Variants in VCL observed in about 807,000 individuals in gnomAD.
The protein encoded by VCL is epididymis luminal protein 114.
In VCL, 47 loss-of-function variants were observed where a neutral mutation model predicts 125.7. That is an observed-to-expected ratio of 0.37 (90% CI 0.30 to 0.48). The LOEUF (loss-of-function observed/expected upper bound fraction) is 0.48, where lower values mean the gene tolerates loss of function less well. Among genes scored for constraint, VCL ranks in the 20% least tolerant of loss-of-function variants. The pLI is 0.99. For synonymous variants in VCL, 458 were observed against 514.6 expected, an observed-to-expected ratio of 0.89 and a Z score of 1.49; for missense variants, 1,069 against 1,455.5, an observed-to-expected ratio of 0.73 and a Z score of 4.32.
At chr10:74,114,066 A>T in intron 19 of VCL, 118 bp from the exon 20 acceptor site, 1 of 1,192,588 alleles carries the variant, frequency 8.4e-7, no homozygotes, top group Non-Finnish European at 1.2e-6. Context: ...TCCTCTTCTC[A>T]CCCTTCCGGA....
At chr10:74,102,138 T>A (rs949329601) in intron 14 of VCL, among the ~76,000 whole-genome samples, 1 of 152,128 alleles carries the variant, frequency 6.6e-6, no homozygotes, top group Non-Finnish European at 1.5e-5. Context: ...GTGCTGAGAT[T>A]ACAGGCATGA....
chr10:74,086,632 T>A (rs1178732020), intron 8 of VCL, among the ~76,000 whole-genome samples: 1 of 152,254 alleles, frequency 6.6e-6, no homozygotes, highest in Non-Finnish European at 1.5e-5. Context: ...CACAGTTGTA[T>A]GTGTTTAGAG....
chr10:74,042,826 G>A (rs1017593427), intron 1 of VCL, among the ~76,000 whole-genome samples: 5 of 152,202 alleles, frequency 3.3e-5, no homozygotes, highest in Admixed American at 6.5e-5. Context: ...ATTATGCTCA[G>A]TAATGCTTTC....
intron 2 of VCL, among the ~76,000 whole-genome samples, chr10:74,043,592 C>A (rs891807303): frequency 3.3e-5 from 5 of 152,084 alleles, no homozygotes; most frequent in Admixed American, 6.5e-5. Context: ...GGTGATCCAC[C>A]CACCTTGGCC....
chr10:74,001,374 A>G (rs1840221872), intron 1 of VCL, among the ~76,000 whole-genome samples: 2 of 152,178 alleles, frequency 1.3e-5, no homozygotes, highest in African/African-American at 2.4e-5. Flanking sequence ...TATGTTGCCC[A>G]GGCTGGTCTC....
intron 1 of VCL, among the ~76,000 whole-genome samples, chr10:74,017,555 TTC>T (rs1351460519): frequency 3.0e-4 from 30 of 101,232 alleles, no homozygotes; most frequent in Admixed American, 5.2e-4. Context: ...CTTTCTTTCT[TTC>T]TTTTTTTTTT....
chr10:74,040,099 A>G (rs1212419776), intron 1 of VCL, among the ~76,000 whole-genome samples: 1 of 152,112 alleles, frequency 6.6e-6, no homozygotes, highest in African/African-American at 2.4e-5. Context: ...TCTCAGCTCC[A>G]ATTTTGCTTC....
Position 74,118,815 on chromosome 10 carries a change from C to G in VCL, c.*646C>G, listed in dbSNP as rs41280414. On this transcript the variant is annotated 3_prime_UTR_variant, in exon 22 of 22. Coordinates refer to ENST00000211998, the MANE Select transcript of VCL (RefSeq NM_014000.3). Reference sequence around the variant, plus strand: ...CCTTCTAGTTTCCCACAATATAAAACTGTACTTCACTGTCAGGAAGAAATC... The same window carrying G: ...CCTTCTAGTTTCCCACAATATAAAAGTGTACTTCACTGTCAGGAAGAAATC... 181 of 158,568 alleles carry G rather than the reference C, an allele frequency of 1.1e-3. No individual in the cohort carries two copies. The highest frequency in any genetic ancestry group is 3.4e-3 in the Middle Eastern group (1 of 294). The allele number at this position is 158,568 out of a possible 1,614,324, so 9.8% of individuals were successfully genotyped here.
chr10:74,038,766 A>G (rs1242310186), intron 1 of VCL, among the ~76,000 whole-genome samples: 1 of 152,142 alleles, frequency 6.6e-6, no homozygotes, highest in Non-Finnish European at 1.5e-5. Context: ...AATATATGCT[A>G]TTTACAAAAC....
At chr10:74,102,466 T>A (rs990597447) in intron 14 of VCL, among the ~76,000 whole-genome samples, 12 of 152,248 alleles carry the variant, frequency 7.9e-5, no homozygotes, top group African/African-American at 2.4e-4. Flanking sequence ...GAAAATTCAT[T>A]ATTTTTTCAT....
Position 74,082,493 on chromosome 10 carries a change from T to G in VCL, c.823T>G (p.Ser275Ala), listed in dbSNP as rs765726337. 3.1e-6 allele frequency: 5 copies of G among 1,614,164 alleles called. No homozygotes were observed. In the East Asian group the frequency reaches 1.1e-4, roughly 36 times the overall value. ...AMKRALASID[S>A]KLNQAKGWLR... The stretch of plus-strand genomic sequence containing the variant: ...GAAGAGAGCATTGGCCTCCATAGAC[T>G]CCAAACTGAACCAGGCCAAAGGTTG... The change falls in exon 7 of 22, where the codon TCC (serine) becomes GCC (alanine). Residue 275 changes from serine (S) to alanine (A), a missense_variant. Around this residue, in one of 6 missense-constraint regions of VCL, gnomAD observed 760 missense variants for 928.9 expected, o/e 0.82. Coordinates refer to ENST00000211998, the MANE Select transcript of VCL (RefSeq NM_014000.3).
At chr10:74,047,288 C>T (rs902564556) in intron 2 of VCL, among the ~76,000 whole-genome samples, 1 of 152,128 alleles carries the variant, frequency 6.6e-6, no homozygotes, top group Non-Finnish European at 1.5e-5. Flanking sequence ...CAGAGTGAGA[C>T]CCTGTGTAAA....
intron 1 of VCL, among the ~76,000 whole-genome samples, chr10:74,010,827 C>G (rs1840419824): frequency 1.3e-5 from 2 of 152,106 alleles, no homozygotes; most frequent in African/African-American, 2.4e-5. Context: ...GAAATAACTT[C>G]AAGATAATGA....
At position 74,040,355 on chromosome 10, in the gene VCL, AC is replaced by A. The variant is rs565000439; in HGVS notation, c.169-2727del. 5.9e-5 allele frequency among the ~76,000 whole-genome samples: 9 copies of A among 152,300 alleles called. No homozygotes were observed. In the South Asian group the frequency reaches 1.7e-3, roughly 28 times the overall value. On this transcript the variant is annotated intron_variant, in intron 1 of 21. Transcript: ENST00000211998. ...AATGTTTAATAACACTGAATAACTT[AC>A]TATTTTCTAAAGGAAATATAAGAGG...
chr10:74,114,726 A>C, intron 20 of VCL, 69 bp from the exon 21 acceptor site: 3 of 1,473,558 alleles, frequency 2.0e-6, no homozygotes, highest in Non-Finnish European at 2.8e-6. Context: ...GAGGTAGGTA[A>C]GTCTTGCCTT....
chr10:74,004,524 C>G (rs947090574), intron 1 of VCL, among the ~76,000 whole-genome samples: 1 of 152,108 alleles, frequency 6.6e-6, no homozygotes, highest in African/African-American at 2.4e-5. Flanking sequence ...AGGTTTCCCA[C>G]CTAGAATCAG....
chr10:74,064,408 A>T (rs1307590383), intron 2 of VCL, among the ~76,000 whole-genome samples: 1 of 150,184 alleles, frequency 6.7e-6, no homozygotes, highest in South Asian at 2.1e-4. Context: ...CATACAAAAG[A>T]CACTTTTTTT....
Position 74,094,294 on chromosome 10 carries a change from C to G in VCL, c.1376C>G (p.Ala459Gly), listed in dbSNP as rs781698782. The G allele has an allele frequency of 1.6e-5, 26 of 1,614,170 alleles. No individual in the cohort carries two copies. The South Asian group carries it at 2.9e-4, about 18-fold the overall frequency. Residue 459 changes from alanine to glycine, a missense_variant, in exon 11 of 22, where the codon GCT (alanine) becomes GGT (glycine). This residue lies in a region of VCL where 760 missense variants were observed against 928.9 expected (regional missense o/e 0.82). Transcript: ENST00000211998. The stretch of plus-strand genomic sequence containing the variant: ...AGGGGGAAAGGAGATTCTCCAGAGG[C>G]TCGAGCCTTGGCCAAACAGGTGGCC... ...RRQGKGDSPEARALAKQVATA... is the reference protein window; with the variant it reads ...RRQGKGDSPEGRALAKQVATA...
intron 21 of VCL, among the ~76,000 whole-genome samples, chr10:74,115,817 T>G (rs996362280): frequency 2.6e-5 from 4 of 152,232 alleles, no homozygotes; most frequent in Admixed American, 2.6e-4. Context: ...GAGAAGGTTC[T>G]CTTAACCACT....
Sources: gnomAD v4.1 joint callset for allele counts (sites outside exome capture counted in the v4.1 genomes callset) on GRCh38, gnomAD v4.1.1 for gene constraint, gnomAD v4.1.1 regional missense constraint, MANE v1.5 for transcripts, NCBI Gene and HGNC (gene_info 2026-07-23, HGNC 2026-07-21) for gene names.